The following CSMD2 variants were observed in gnomAD, a reference collection of about 807,000 sequenced individuals.
CSMD2 encodes CUB and sushi domain-containing protein 2.
In CSMD2, 130 loss-of-function variants were observed where a neutral mutation model predicts 398.5. The observed-to-expected ratio is 0.33, with a 90% CI of 0.28 to 0.38. The LOEUF (loss-of-function observed/expected upper bound fraction) is 0.38, where lower values mean the gene tolerates loss of function less well. Ranked by LOEUF, CSMD2 falls within the 10% of genes least tolerant of loss-of-function variation. The probability of loss-of-function intolerance (pLI) is 1.00; values close to 1 mark genes in which losing one functional copy is unlikely to be tolerated. For missense variants in CSMD2, 3,829 were observed against 4,764.9 expected, an observed-to-expected ratio of 0.80 and a Z score of 5.78; for synonymous variants, 1,828 against 1,908.5, an observed-to-expected ratio of 0.96 and a Z score of 1.10.
At chr1:33,676,941 C>A (rs1293436416) in intron 25 of CSMD2, among the ~76,000 whole-genome samples, 1 of 152,152 alleles carries the variant, frequency 6.6e-6, no homozygotes, top group African/African-American at 2.4e-5. Context: ...CTTCCTTACA[C>A]CTTATACAAA....
intron 1 of CSMD2, among the ~76,000 whole-genome samples, chr1:34,157,838 A>G (rs1640949259): frequency 6.6e-6 from 1 of 151,916 alleles, no homozygotes; most frequent in African/African-American, 2.4e-5. Context: ...ATCCCACCCC[A>G]TCATGTTCCA....
chr1:33,907,601 C>T (rs1643180944), intron 5 of CSMD2, among the ~76,000 whole-genome samples: 1 of 152,154 alleles, frequency 6.6e-6, no homozygotes, highest in Admixed American at 6.5e-5. Context: ...CTACCTCGTC[C>T]ATGAAGCCAC....
At chr1:33,887,512 C>T (rs1275866632) in intron 5 of CSMD2, among the ~76,000 whole-genome samples, 1 of 152,160 alleles carries the variant, frequency 6.6e-6, no homozygotes, top group African/African-American at 2.4e-5. Context: ...AGAGAACTTT[C>T]CTCTCCAACC....
rs192502455 is a variant in CSMD2 at position 34,092,642 on chromosome 1, G to A, written c.188-3449C>T. ...TTCCCTTTCCTAATCAAAGAAAGGGGTGACGGACGGCACCTGGAGAATCGG... is the reference window on the plus strand; with the variant it reads ...TTCCCTTTCCTAATCAAAGAAAGGGATGACGGACGGCACCTGGAGAATCGG... On this transcript the variant is annotated intron_variant, in intron 1 of 70. Transcript: ENST00000373381. Among the ~76,000 whole-genome samples, 1,125 of 152,346 alleles carry A rather than the reference G, an allele frequency of 7.4e-3. 5 individuals are homozygous for A. The highest frequency in any genetic ancestry group is 0.012 in the Non-Finnish European group (840 of 68,034).
intron 2 of CSMD2, among the ~76,000 whole-genome samples, chr1:34,061,021 G>A (rs1570969105): frequency 6.6e-6 from 1 of 152,244 alleles, no homozygotes; most frequent in South Asian, 2.1e-4. Context: ...CCGTGGAAGA[G>A]TCTTTGGCAC....
intron 62 of CSMD2, among the ~76,000 whole-genome samples, chr1:33,534,341 TGAA>T (rs1320137338): frequency 2.0e-5 from 3 of 152,218 alleles, no homozygotes; most frequent in Non-Finnish European, 4.4e-5. Flanking sequence ...TTACAAAATG[TGAA>T]GAAGAGTGCA....
intron 21 of CSMD2, among the ~76,000 whole-genome samples, chr1:33,709,953 T>G (rs1020263904): frequency 6.6e-6 from 1 of 152,220 alleles, no homozygotes; most frequent in Non-Finnish European, 1.5e-5. Context: ...CATTGCAGCC[T>G]GTTTCATTCA....
chr1:33,863,946 C>CG (rs1222214669), intron 5 of CSMD2: 4 of 441,742 alleles, frequency 9.1e-6, no homozygotes, highest in African/African-American at 8.1e-5. Context: ...CCAACCAATA[C>CG]GAGCACCTGT....
rs1237649100 is a variant in CSMD2 at position 33,726,613 on chromosome 1, T to C, written c.2441A>G (p.Asp814Gly). The C allele has an allele frequency of 1.2e-6, 2 of 1,613,754 alleles. No homozygotes were observed. Among genetic ancestry groups the C allele is most frequent in the Non-Finnish European group, 1.7e-6 (2 of 1,179,954 alleles). ...LSPGWPGFYK[D>G]ALSCAWVIEA... ...AATCACCCAGGCACAGCTCAAGGCA[T>C]CCTTGTAGAAGCCAGGCCAGCCCGG... Residue 814 changes from aspartate to glycine, a missense_variant, in exon 16 of 71, where the codon GAT becomes GGT. Around this residue, in one of 5 missense-constraint regions of CSMD2, gnomAD observed 2,001 missense variants for 2,567.1 expected, o/e 0.78. Coordinates refer to ENST00000373381, the MANE Select transcript of CSMD2 (RefSeq NM_001281956.2).
At chr1:33,879,409 T>C (rs914209528) in intron 5 of CSMD2, among the ~76,000 whole-genome samples, 1 of 152,190 alleles carries the variant, frequency 6.6e-6, no homozygotes, top group East Asian at 1.9e-4. Context: ...CTAGCAGTTT[T>C]GTGAAACTGT....
intron 1 of CSMD2, among the ~76,000 whole-genome samples, chr1:34,117,357 G>T (rs1394813591): frequency 6.6e-6 from 1 of 151,936 alleles, no homozygotes; most frequent in African/African-American, 2.4e-5. Context: ...GGATAACCTA[G>T]AAGAAATTGA....
At chr1:33,568,275 C>T (rs534794684) in intron 52 of CSMD2, among the ~76,000 whole-genome samples, 1 of 151,808 alleles carries the variant, frequency 6.6e-6, no homozygotes, top group African/African-American at 2.4e-5. Context: ...GCAATGTCCA[C>T]CTCCTAGGTT....
intron 5 of CSMD2, among the ~76,000 whole-genome samples, chr1:33,900,319 G>A (rs1642662779): frequency 6.6e-6 from 1 of 152,130 alleles, no homozygotes; most frequent in Admixed American, 6.5e-5. Flanking sequence ...TGCCCTCCTT[G>A]GTGTCAGGAA....
At chr1:33,754,580 ATCTGAGT>A (rs925787297) in intron 13 of CSMD2, among the ~76,000 whole-genome samples, 2 of 152,226 alleles carry the variant, frequency 1.3e-5, no homozygotes, top group African/African-American at 4.8e-5. Flanking sequence ...CATAGGAAAT[ATCTGAGT>A]TCAATGTAAG....
intron 9 of CSMD2, among the ~76,000 whole-genome samples, chr1:33,812,593 T>C (rs1656983896): frequency 6.6e-6 from 1 of 152,252 alleles, no homozygotes; most frequent in African/African-American, 2.4e-5. Flanking sequence ...TTTTAAAATT[T>C]ATGAACTTAG....
chr1:33,952,550 C>A (rs1645038715), intron 3 of CSMD2, among the ~76,000 whole-genome samples: 1 of 152,206 alleles, frequency 6.6e-6, no homozygotes, highest in African/African-American at 2.4e-5. Context: ...CTTTATTATA[C>A]CTTCAGACAT....
intron 7 of CSMD2, among the ~76,000 whole-genome samples, chr1:33,824,532 G>A (rs1239860767): frequency 6.6e-6 from 1 of 152,192 alleles, no homozygotes; most frequent in Non-Finnish European, 1.5e-5. Flanking sequence ...TGAGACCAAA[G>A]TGCCTCTTCT....
At chr1:33,939,501 G>A (rs905706644) in intron 3 of CSMD2, among the ~76,000 whole-genome samples, 6 of 152,048 alleles carry the variant, frequency 3.9e-5, no homozygotes, top group African/African-American at 1.2e-4. Context: ...TAGAACTAAC[G>A]TGTCATTTTC....
chr1:33,535,205 T>C (rs1655652120), intron 62 of CSMD2, among the ~76,000 whole-genome samples: 2 of 152,230 alleles, frequency 1.3e-5, no homozygotes, highest in Non-Finnish European at 2.9e-5. Flanking sequence ...ATGGATATTT[T>C]AGATTGAATC....
Sources: gnomAD v4.1 joint callset for allele counts (sites outside exome capture counted in the v4.1 genomes callset) on GRCh38, gnomAD v4.1.1 for gene constraint, gnomAD v4.1.1 regional missense constraint, MANE v1.5 for transcripts, NCBI Gene and HGNC (gene_info 2026-07-23, HGNC 2026-07-21) for gene names.